The following OGDH variants were observed in gnomAD, a reference collection of about 807,000 sequenced individuals.
The protein encoded by OGDH is oxoglutarate dehydrogenase.
Under a neutral mutation model 116.6 loss-of-function variants are expected in OGDH, and 38 were observed. The observed-to-expected ratio is 0.33, with a 90% CI of 0.25 to 0.43. The LOEUF (loss-of-function observed/expected upper bound fraction) is 0.43, where lower values mean the gene tolerates loss of function less well. Ranked by LOEUF, OGDH falls within the 20% of genes least tolerant of loss-of-function variation. The probability of loss-of-function intolerance (pLI) is 1.00; values close to 1 mark genes in which losing one functional copy is unlikely to be tolerated. For missense variants in OGDH, 825 were observed against 1,357.2 expected (o/e 0.61, Z 6.16); for synonymous variants, 488 against 533.3 (o/e 0.92, Z 1.17).
rs969087228 is a variant in OGDH at position 44,697,032 on chromosome 7, G to T, written c.2019G>T (p.Leu673=). 1 of 1,614,098 alleles carries T rather than the reference G, an allele frequency of 6.2e-7. No individual in the cohort carries two copies. Among genetic ancestry groups the T allele is most frequent in the African/African-American group, 1.3e-5 (1 of 74,948 alleles). Residue 673 remains leucine (L), a synonymous_variant, in exon 15 of 23, where the codon CTG becomes CTT. Coordinates refer to ENST00000222673, the MANE Select transcript of OGDH (RefSeq NM_002541.4). This position sits in a 1 kb window ranked among gnomAD's most constrained non-coding sequence, Gnocchi z 6.0. ...TGAAGGAGGGCATCCACATTCGGCT[G>T]AGCGGCCAGGACGTGGAGCGGGGCA... The part of the protein sequence containing the change: ...SLLKEGIHIR[L]SGQDVERGTF...
At chr7:44,635,243 A>G (rs1245418538) in intron 2 of OGDH, among the ~76,000 whole-genome samples, 1 of 152,208 alleles carries the variant, frequency 6.6e-6, no homozygotes, top group African/African-American at 2.4e-5. Context: ...AGCTGAAAGA[A>G]GAGCCATACG....
intron 20 of OGDH, among the ~76,000 whole-genome samples, chr7:44,706,425 A>G (rs1296100731): frequency 2.3e-4 from 34 of 150,412 alleles, no homozygotes; most frequent in Non-Finnish European, 4.4e-4. Context: ...GGGTTCAAGC[A>G]ATTCTCCTGC....
chr7:44,616,808 C>CATATATATACATATATATACAT (rs201946144), intron 1 of OGDH, among the ~76,000 whole-genome samples: 2 of 136,088 alleles, frequency 1.5e-5, no homozygotes, highest in East Asian at 4.4e-4. Flanking sequence ...TATATATATG[C>CATATATATACATATATATACAT]ATATATACGT....
At chr7:44,649,315 T>A (rs1158995320) in intron 4 of OGDH, among the ~76,000 whole-genome samples, 1 of 135,774 alleles carries the variant, frequency 7.4e-6, no homozygotes, top group Non-Finnish European at 1.5e-5. Flanking sequence ...AGCAGCATAA[T>A]CTCGGCTCAC....
chr7:44,610,874 C>T (rs1469235115), intron 1 of OGDH, among the ~76,000 whole-genome samples: 2 of 152,170 alleles, frequency 1.3e-5, no homozygotes, highest in African/African-American at 4.8e-5. Flanking sequence ...TCCCAAAGTG[C>T]TGGGATTACA....
At chr7:44,689,124 G>A (rs1788259447) in intron 10 of OGDH, among the ~76,000 whole-genome samples, 1 of 150,722 alleles carries the variant, frequency 6.6e-6, no homozygotes, top group Non-Finnish European at 1.5e-5. Flanking sequence ...TGGTATCTCT[G>A]TGTTCAACTT....
chr7:44,692,611 G>T (rs1365453376), intron 10 of OGDH, among the ~76,000 whole-genome samples: 1 of 152,208 alleles, frequency 6.6e-6, no homozygotes, highest in Non-Finnish European at 1.5e-5. Context: ...AGGATGAGCA[G>T]TGTGGTATTA....
chr7:44,611,411 G>C (rs1364485127), intron 1 of OGDH, among the ~76,000 whole-genome samples: 1 of 151,908 alleles, frequency 6.6e-6, no homozygotes, highest in Non-Finnish European at 1.5e-5. Context: ...TGGGACTACA[G>C]GTGCCCGCCA....
At position 44,681,896 on chromosome 7, in the gene OGDH, A is replaced by T. The variant is rs745439269; in HGVS notation, c.1335+48A>T. 3 of 1,600,844 alleles carry T rather than the reference A, an allele frequency of 1.9e-6. No homozygotes were observed. The South Asian group carries it at 3.4e-5, about 18-fold the overall frequency. On this transcript the variant is annotated intron_variant, in intron 10 of 22. Transcript: ENST00000222673. ...TTTGCTGCTCACATCAGTCTTACTT[A>T]GAATGACATCTCTGAGTCATTTAGG...
At chr7:44,647,882 T>C in intron 4 of OGDH, 123 bp downstream of exon 4, 1 of 689,952 alleles carries the variant, frequency 1.4e-6, no homozygotes, top group South Asian at 1.8e-5. Context: ...TCTGATCACT[T>C]GAAATTTATC....
At chr7:44,698,160 T>C in intron 17 of OGDH, 32 bp from the exon 18 acceptor site, 1 of 1,612,532 alleles carries the variant, frequency 6.2e-7, no homozygotes, top group Middle Eastern at 1.7e-4. Flanking sequence ...ACGCAAGAGC[T>C]CTTAAACTGT....
chr7:44,616,863 A>ATATACG (rs1354260853), intron 1 of OGDH, among the ~76,000 whole-genome samples: 115 of 93,072 alleles, frequency 1.2e-3, no homozygotes, highest in African/African-American at 4.6e-3. Context: ...ATATACACAT[A>ATATACG]TATATATACG....
chr7:44,654,131 A>T (rs1306459119), intron 4 of OGDH, among the ~76,000 whole-genome samples: 1 of 152,268 alleles, frequency 6.6e-6, no homozygotes, highest in East Asian at 1.9e-4. Context: ...CTGGGATTAT[A>T]GGCATGAGCC....
intron 1 of OGDH, among the ~76,000 whole-genome samples, chr7:44,620,806 G>A (rs1784981147): frequency 6.6e-6 from 1 of 151,750 alleles, no homozygotes; most frequent in Admixed American, 6.6e-5. Flanking sequence ...TGTATTTTAT[G>A]TGTGGCCCTA....
At chr7:44,620,745 GT>G (rs1475744223) in intron 1 of OGDH, among the ~76,000 whole-genome samples, 3 of 129,970 alleles carry the variant, frequency 2.3e-5, no homozygotes, top group Non-Finnish European at 4.9e-5. Flanking sequence ...ATTATGAGAT[GT>G]TTTTGCGATT....
intron 10 of OGDH, among the ~76,000 whole-genome samples, chr7:44,687,505 T>A (rs942108502): frequency 1.3e-5 from 2 of 152,114 alleles, no homozygotes; most frequent in Non-Finnish European, 2.9e-5. Flanking sequence ...AGCCTCCACC[T>A]CCGAGGCTCA....
chr7:44,653,133 G>A (rs56190306), intron 4 of OGDH, among the ~76,000 whole-genome samples: 8,295 of 151,662 alleles, frequency 0.055, 297 homozygotes, highest in Non-Finnish European at 0.076. Flanking sequence ...TTACTCTGTC[G>A]CCCAGGCTGG....
chr7:44,690,420 C>T (rs902229279), intron 10 of OGDH, among the ~76,000 whole-genome samples: 3 of 152,216 alleles, frequency 2.0e-5, no homozygotes, highest in African/African-American at 4.8e-5. Flanking sequence ...TACTAAAACA[C>T]TAACTCCCAA....
In OGDH at chr7:44,697,444, A is replaced by G. The variant is rs778217546; in HGVS notation, c.2126A>G (p.Asn709Ser). The change falls in exon 16 of 23, where the codon AAT (asparagine) becomes AGT (serine). Residue 709 changes from asparagine (N) to serine (S), a missense_variant. Asn to Ser is a conservative substitution (Grantham distance 46). Coordinates refer to ENST00000222673, the MANE Select transcript of OGDH (RefSeq NM_002541.4). The surrounding 1 kb of genome is among the most constrained non-coding windows in gnomAD (Gnocchi z 6.0). ...TCIPMNHLWP[N>S]QAPYTVCNSS... ...ATCCCCATGAACCATCTCTGGCCCA[A>G]TCAGGCCCCCTATACTGTGTGCAAC... 47 of 1,614,054 alleles carry G rather than the reference A, an allele frequency of 2.9e-5. No homozygotes were observed. The highest frequency in any genetic ancestry group is 1.6e-4 in the Middle Eastern group (1 of 6,084).
Sources: gnomAD v4.1 joint callset for allele counts (sites outside exome capture counted in the v4.1 genomes callset) on GRCh38, gnomAD v4.1.1 for gene constraint, Gnocchi (gnomAD v3.1) non-coding constraint, MANE v1.5 for transcripts, NCBI Gene and HGNC (gene_info 2026-07-23, HGNC 2026-07-21) for gene names.